Variants in ROBO2 observed in about 807,000 individuals in gnomAD.
ROBO2 encodes roundabout homolog 2.
ROBO2 carries 53 observed loss-of-function variants against 160.8 expected under a neutral mutation model. That is an observed-to-expected ratio of 0.33 (90% CI 0.26 to 0.41). The LOEUF (loss-of-function observed/expected upper bound fraction) is 0.41. Among genes scored for constraint, ROBO2 ranks in the 10% least tolerant of loss-of-function variants. The pLI, the probability that ROBO2 is intolerant of heterozygous loss-of-function variation, is 1.00. For synonymous variants in ROBO2, 664 were observed against 611.7 expected (o/e 1.09, Z -1.26); for missense variants, 1,577 against 1,722.4 (o/e 0.92, Z 1.49).
rs147640988 is a variant in ROBO2, at chr3:76,872,251, C to T, written c.110-225763C>T. Among the ~76,000 whole-genome samples the T allele has an allele frequency of 2.6e-3, 390 of 152,172 alleles. 1 individual carries two copies. The highest frequency in any genetic ancestry group is 8.8e-3 in the African/African-American group (366 of 41,508). ...GAAGCCAAAGTATTCTTGGTAGAAA[C>T]ATTAAAAATATGACTGAAATAAATG... On this transcript the variant is annotated intron_variant, in intron 2 of 26. Transcript: ENST00000487694.
At chr3:76,305,792 C>G (rs1421215854) in intron 2 of ROBO2, among the ~76,000 whole-genome samples, 7 of 151,162 alleles carry the variant, frequency 4.6e-5, no homozygotes, top group Admixed American at 4.6e-4. Context: ...ATTAGTTGGT[C>G]TGAAATGCAT....
At chr3:76,608,143 T>G (rs2087802308) in intron 2 of ROBO2, among the ~76,000 whole-genome samples, 1 of 152,226 alleles carries the variant, frequency 6.6e-6, no homozygotes, top group South Asian at 2.1e-4. Flanking sequence ...ATAATCCAAT[T>G]TCTGTGGACT....
intron 2 of ROBO2, among the ~76,000 whole-genome samples, chr3:76,799,395 A>C (rs1327061889): frequency 6.6e-6 from 1 of 152,128 alleles, no homozygotes; most frequent in Non-Finnish European, 1.5e-5. Flanking sequence ...CAACAAGGGA[A>C]AGTAAATGCA....
intron 2 of ROBO2, among the ~76,000 whole-genome samples, chr3:76,433,732 C>T (rs1264243228): frequency 6.6e-6 from 1 of 152,158 alleles, no homozygotes; most frequent in Non-Finnish European, 1.5e-5. Context: ...TCCGAGAACA[C>T]GCATAATAGC....
chr3:77,282,894 G>A lies in ROBO2; in HGVS notation c.388+184554G>A, dbSNP rs540617034. On this transcript the variant is annotated intron_variant, in intron 2 of 25. Transcript: ENST00000461745. The stretch of plus-strand genomic sequence containing the variant: ...AAATAAAGTTTTTATAAATGAAATA[G>A]AATAAATATCTAATTATTGGAACTT... Among the ~76,000 whole-genome samples, 3 of 149,240 alleles carry A rather than the reference G, an allele frequency of 2.0e-5. No homozygotes were observed. The East Asian group carries it at 5.9e-4, about 29-fold the overall frequency.
Position 76,588,356 on chromosome 3 carries a change from A to G in ROBO2, c.110-509658A>G, listed in dbSNP as rs1392202950. Among the ~76,000 whole-genome samples the G allele has an allele frequency of 2.6e-5, 4 of 152,320 alleles. 1 individual carries two copies. In the South Asian group the frequency reaches 8.3e-4, roughly 32 times the overall value. On this transcript the variant is annotated intron_variant, in intron 2 of 26. Transcript: ENST00000487694. ...TGAATGGATTTGTTTCTGCATTTAA[A>G]ATAGCCCTCTAACTTGTTCAGTGTG...
At chr3:76,018,222 T>G (rs2066460341) in intron 2 of ROBO2, among the ~76,000 whole-genome samples, 1 of 151,952 alleles carries the variant, frequency 6.6e-6, no homozygotes, top group Non-Finnish European at 1.5e-5. Flanking sequence ...TGATATTGAC[T>G]TAAAAAACAC....
chr3:76,869,639 G>A (rs2071809782), intron 2 of ROBO2, among the ~76,000 whole-genome samples: 1 of 151,990 alleles, frequency 6.6e-6, no homozygotes, highest in Non-Finnish European at 1.5e-5. Context: ...GTGAGCCACC[G>A]CGCCCGGCCG....
At chr3:76,312,771 T>G (rs2071690082) in intron 2 of ROBO2, among the ~76,000 whole-genome samples, 1 of 152,206 alleles carries the variant, frequency 6.6e-6, no homozygotes, top group African/African-American at 2.4e-5. Flanking sequence ...ATGTCAAAGT[T>G]TAATTTCCTG....
rs550563195 is a variant in ROBO2, at chr3:77,563,163, A to G, written c.1520-4A>G. On this transcript the variant is annotated splice_polypyrimidine_tract_variant and splice_region_variant and intron_variant, in intron 10 of 25. Coordinates refer to ENST00000461745, the Ensembl canonical transcript of ROBO2. ...ATGAAGTTTTTTCTGTCTGTCCTCT[A>G]TAGAGTCTGGAGCAACAATCAGTAA... 33 of 1,612,962 alleles carry G rather than the reference A, an allele frequency of 2.0e-5. No homozygotes were observed. Among genetic ancestry groups the G allele is most frequent in the Middle Eastern group, 3.5e-4 (2 of 5,662 alleles).
chr3:77,059,506 A>G (rs567031856), intron 1 of ROBO2, among the ~76,000 whole-genome samples: 2 of 152,334 alleles, frequency 1.3e-5, no homozygotes, highest in African/African-American at 4.8e-5. Flanking sequence ...AGCAAGACAA[A>G]GAAAACAATT....
chr3:77,014,276 A>G (rs969326983), intron 2 of ROBO2, among the ~76,000 whole-genome samples: 5 of 152,168 alleles, frequency 3.3e-5, no homozygotes, highest in African/African-American at 4.8e-5. Context: ...CTACGACCTA[A>G]TGGATTACTA....
chr3:76,453,587 G>A (rs2077589579), intron 2 of ROBO2, among the ~76,000 whole-genome samples: 1 of 152,166 alleles, frequency 6.6e-6, no homozygotes, highest in Non-Finnish European at 1.5e-5. Context: ...TAGCCTTGTA[G>A]TATAGTTTGA....
chr3:76,586,036 T>A (rs2086015376), intron 2 of ROBO2, among the ~76,000 whole-genome samples: 1 of 152,212 alleles, frequency 6.6e-6, no homozygotes, highest in African/African-American at 2.4e-5. Context: ...TTGGATTTTA[T>A]GCATTCAACA....
At chr3:76,903,771 G>A (rs1024701648) in intron 2 of ROBO2, among the ~76,000 whole-genome samples, 1 of 152,004 alleles carries the variant, frequency 6.6e-6, no homozygotes, top group African/African-American at 2.4e-5. Context: ...AGAATTCCCC[G>A]ATAGCCATTT....
intron 2 of ROBO2, among the ~76,000 whole-genome samples, chr3:75,973,820 A>C (rs1186545151): frequency 6.6e-6 from 1 of 151,580 alleles, no homozygotes; most frequent in Non-Finnish European, 1.5e-5. Context: ...TAAAAATAAT[A>C]GTTGAGATTT....
chr3:77,300,665 T>A (rs1195460120), intron 2 of ROBO2, among the ~76,000 whole-genome samples: 1 of 152,062 alleles, frequency 6.6e-6, no homozygotes, highest in Non-Finnish European at 1.5e-5. Context: ...CCTTACTTTT[T>A]AAATAAACTC....
intron 2 of ROBO2, among the ~76,000 whole-genome samples, chr3:76,171,895 G>A (rs959422455): frequency 2.0e-5 from 3 of 152,092 alleles, no homozygotes; most frequent in Non-Finnish European, 4.4e-5. Flanking sequence ...GAGATGTCTA[G>A]TGAAGAGAAT....
At chr3:77,060,147 T>C (rs2066153332) in intron 1 of ROBO2, among the ~76,000 whole-genome samples, 2 of 152,212 alleles carry the variant, frequency 1.3e-5, no homozygotes. Flanking sequence ...AAATAATGTT[T>C]TCCTGGTTTG....
Sources: allele counts gnomAD v4.1 joint callset (sites outside exome capture counted in the v4.1 genomes callset), GRCh38; gene constraint gnomAD v4.1.1; transcripts MANE v1.5; gene names NCBI Gene and HGNC (gene_info 2026-07-23, HGNC 2026-07-21).